Variants in KIF20B observed in about 807,000 individuals in gnomAD.
KIF20B encodes kinesin-like protein KIF20B.
In KIF20B, 188 loss-of-function variants were observed where a neutral mutation model predicts 232.5. The ratio of observed to expected loss-of-function variants is 0.81; its 90% CI spans 0.72 to 0.91. The LOEUF is 0.91. Among genes scored for constraint, KIF20B ranks in the 40% least tolerant of loss-of-function variants. KIF20B has a pLI of 0.00. For missense variants in KIF20B, 2,154 were observed against 2,055.9 expected, an observed-to-expected ratio of 1.05 and a Z score of -0.92; for synonymous variants, 712 against 683.0, an observed-to-expected ratio of 1.04 and a Z score of -0.66.
At chr10:89,742,836 A>C (rs1164264526) in intron 21 of KIF20B, among the ~76,000 whole-genome samples, 2 of 151,168 alleles carry the variant, frequency 1.3e-5, no homozygotes, top group African/African-American at 4.9e-5. Flanking sequence ...AGTAGCTGGG[A>C]CTACAGGCAC....
intron 13 of KIF20B, among the ~76,000 whole-genome samples, chr10:89,720,795 T>C (rs1014558959): frequency 6.6e-6 from 1 of 152,216 alleles, no homozygotes; most frequent in African/African-American, 2.4e-5. Context: ...AACCTCTGCC[T>C]CCTGGGTTCA....
In KIF20B at chr10:89,737,461, A is replaced by G. The variant is rs768846216; in HGVS notation, c.2620A>G (p.Ile874Val). 8 of 1,608,724 alleles carry G rather than the reference A, an allele frequency of 5.0e-6. No individual in the cohort carries two copies. The highest frequency in any genetic ancestry group is 6.8e-6 in the Non-Finnish European group (8 of 1,178,564). Residue 874 changes from isoleucine (I) to valine (V), a missense_variant, in exon 20 of 33, where the codon ATT becomes GTT. Transcript: ENST00000371728. The part of the protein sequence containing the change: ...SEEVRPNIAE[I>V]EDIRVLQENN... Reference sequence around the variant, plus strand: ...AGAAGTGCGACCGAACATTGCAGAAATTGAAGACATCAGAGTTTTACAAGA... The same window carrying G: ...AGAAGTGCGACCGAACATTGCAGAAGTTGAAGACATCAGAGTTTTACAAGA...
intron 23 of KIF20B, among the ~76,000 whole-genome samples, chr10:89,749,855 C>G (rs1351430223): frequency 6.6e-6 from 1 of 151,986 alleles, no homozygotes; most frequent in East Asian, 1.9e-4. Flanking sequence ...TTTGGGTAAA[C>G]TTATAGTTTT....
At chr10:89,735,737 A>C (rs954164277) in intron 19 of KIF20B, among the ~76,000 whole-genome samples, 1 of 151,710 alleles carries the variant, frequency 6.6e-6, no homozygotes, top group Non-Finnish European at 1.5e-5. Flanking sequence ...ACAGGGTTTC[A>C]CCATGTTGGC....
intron 29 of KIF20B, 113 bp downstream of exon 29, chr10:89,762,948 A>G: frequency 1.4e-6 from 1 of 729,448 alleles, no homozygotes; most frequent in Non-Finnish European, 2.3e-6. Flanking sequence ...GCTGTTAGAG[A>G]CCAAAATCAC....
chr10:89,710,266 G>T (rs2133084710), intron 5 of KIF20B, among the ~76,000 whole-genome samples: 1 of 147,280 alleles, frequency 6.8e-6, no homozygotes, highest in African/African-American at 2.5e-5. Context: ...CTGTTGCCCA[G>T]GCTGGAGTGC....
chr10:89,739,741 A>C (rs940054709), intron 21 of KIF20B, among the ~76,000 whole-genome samples: 3 of 151,970 alleles, frequency 2.0e-5, no homozygotes, highest in Non-Finnish European at 4.4e-5. Flanking sequence ...TAATACAACA[A>C]ATGCTGTTTC....
At chr10:89,740,804 G>A (rs1841780128) in intron 21 of KIF20B, among the ~76,000 whole-genome samples, 1 of 152,098 alleles carries the variant, frequency 6.6e-6, no homozygotes, top group Non-Finnish European at 1.5e-5. Flanking sequence ...GAGACTACAG[G>A]TGTGCCACCA....
intron 23 of KIF20B, 67 bp downstream of exon 23, chr10:89,746,026 G>C: frequency 1.7e-6 from 2 of 1,151,638 alleles, no homozygotes; most frequent in Non-Finnish European, 2.6e-6. Flanking sequence ...GGCATGCGAT[G>C]GGGGTATGAC....
intron 21 of KIF20B, among the ~76,000 whole-genome samples, chr10:89,740,595 C>G (rs2133132823): frequency 6.6e-6 from 1 of 152,230 alleles, no homozygotes; most frequent in East Asian, 1.9e-4. Context: ...TTCAAAGGAG[C>G]CTCCACTCAA....
intron 23 of KIF20B, 66 bp downstream of exon 23, chr10:89,746,025 T>G: frequency 1.7e-6 from 2 of 1,143,226 alleles, no homozygotes; most frequent in Non-Finnish European, 2.6e-6. Context: ...GGGCATGCGA[T>G]GGGGGTATGA....
intron 21 of KIF20B, among the ~76,000 whole-genome samples, chr10:89,739,690 G>A (rs930451629): frequency 6.9e-6 from 1 of 145,778 alleles, no homozygotes; most frequent in Non-Finnish European, 1.5e-5. Flanking sequence ...CTTTGAGGTA[G>A]TTACCAAATA....
At chr10:89,747,254 G>A (rs909734083) in intron 23 of KIF20B, among the ~76,000 whole-genome samples, 3 of 152,062 alleles carry the variant, frequency 2.0e-5, no homozygotes, top group Admixed American at 2.0e-4. Context: ...TGGAGAGGAT[G>A]TGGAGAAATG....
chr10:89,716,093 T>C lies in KIF20B; in HGVS notation c.941-343T>C, dbSNP rs148077485. ...CACTAATAAATTACAATCTTCAGTGTTTAATAGCTAGGTAATTTTACAGGT... is the reference window on the plus strand; with the variant it reads ...CACTAATAAATTACAATCTTCAGTGCTTAATAGCTAGGTAATTTTACAGGT... On this transcript the variant is annotated intron_variant, in intron 8 of 32. Transcript: ENST00000371728. 3.0e-3 allele frequency among the ~76,000 whole-genome samples: 457 copies of C among 152,312 alleles called. 3 individuals carry two copies. Among genetic ancestry groups the C allele is most frequent in the African/African-American group, 0.01 (427 of 41,576 alleles).
At position 89,762,677 on chromosome 10, in the gene KIF20B, G is replaced by A. The variant is rs1269940217; in HGVS notation, c.4831G>A (p.Glu1611Lys). The change falls in exon 29 of 33, where the codon GAA becomes AAA. Residue 1611 changes from glutamate (E) to lysine (K), a missense_variant. By Grantham distance (56) the Glu-to-Lys change is moderately conservative. Transcript: ENST00000371728. ...VVLDSCEVST[E>K]NDQSTRFPKP... is the part of the protein sequence containing the mutation. ...CCTTGACTCTTGTGAAGTGTCAACA[G>A]AAAATGATCAAAGCACTCGATTTCC... 1.2e-6 allele frequency: 2 copies of A among 1,613,492 alleles called. No individual in the cohort carries two copies. The highest frequency in any genetic ancestry group is 2.7e-5 in the African/African-American group (2 of 74,864).
chr10:89,728,014 T>C, intron 17 of KIF20B, 118 bp downstream of exon 17: 1 of 821,398 alleles, frequency 1.2e-6, no homozygotes. Context: ...TCTCTTGGTA[T>C]GCATGGGGGA....
intron 23 of KIF20B, among the ~76,000 whole-genome samples, chr10:89,746,312 A>G (rs1841909389): frequency 6.6e-6 from 1 of 152,172 alleles, no homozygotes; most frequent in African/African-American, 2.4e-5. Context: ...AAATCGGATC[A>G]CACATGGGCG....
chr10:89,725,552 T>G (rs1270078315), intron 15 of KIF20B, among the ~76,000 whole-genome samples: 1 of 152,192 alleles, frequency 6.6e-6, no homozygotes, highest in Non-Finnish European at 1.5e-5. Context: ...TAAAAAGGGT[T>G]GCCCTTGCCG....
rs903083256 is a variant in KIF20B, at chr10:89,727,798, A to G, written c.2231-58A>G. On this transcript the variant is annotated intron_variant, in intron 16 of 32. Transcript: ENST00000371728. ...AGCAGCATATGTTTCATAGTTATTC[A>G]GTGATACATATTTTTAGATGCTTAG... The G allele has an allele frequency of 2.9e-6, 4 of 1,379,648 alleles. No homozygotes were observed. The African/African-American group carries it at 5.7e-5, about 20-fold the overall frequency. The allele number at this position is 1,379,648 out of a possible 1,614,324, so 85.5% of individuals were successfully genotyped here.
Sources: gnomAD v4.1 joint callset for allele counts (sites outside exome capture counted in the v4.1 genomes callset) on GRCh38, gnomAD v4.1.1 for gene constraint, MANE v1.5 for transcripts, NCBI Gene and HGNC (gene_info 2026-07-23, HGNC 2026-07-21) for gene names.